METTL15: variants seen among roughly 807,000 people sequenced by gnomAD.
The protein encoded by METTL15 is methyltransferase 15, mitochondrial 12S rRNA N4-cytidine.
Under a neutral mutation model 38.3 loss-of-function variants are expected in METTL15, and 34 were observed. The observed-to-expected ratio is 0.89, with a 90% CI of 0.68 to 1.18. The LOEUF is 1.18. METTL15 is among the 50% of genes most tolerant of loss of function. The pLI is 0.00. For synonymous variants in METTL15, 162 were observed against 170.9 expected, an observed-to-expected ratio of 0.95 and a Z score of 0.41; for missense variants, 438 against 498.4, an observed-to-expected ratio of 0.88 and a Z score of 1.15.
At chr11:28,383,334 T>C (rs1391990105) in intron 5 of METTL15, among the ~76,000 whole-genome samples, 4 of 152,234 alleles carry the variant, frequency 2.6e-5, no homozygotes, top group African/African-American at 9.6e-5. Context: ...CCATGTTAAA[T>C]ATGTACTTTA....
At chr11:28,245,540 A>G (rs1249837451) in intron 4 of METTL15, among the ~76,000 whole-genome samples, 1 of 152,194 alleles carries the variant, frequency 6.6e-6, no homozygotes, top group Non-Finnish European at 1.5e-5. Flanking sequence ...AAATAAGATG[A>G]TAGTATTCAA....
At chr11:28,210,921 A>T in intron 3 of METTL15, 141 bp from the exon 4 acceptor site, 1 of 882,482 alleles carries the variant, frequency 1.1e-6, no homozygotes, top group South Asian at 1.8e-5. Flanking sequence ...AACAAATTCA[A>T]CTATAGGCAC....
chr11:28,416,119 C>G (rs1465773046), intron 5 of METTL15, among the ~76,000 whole-genome samples: 2 of 152,222 alleles, frequency 1.3e-5, no homozygotes, highest in Non-Finnish European at 2.9e-5. Flanking sequence ...CTCACCCAAG[C>G]GTAGTACCTT....
intron 3 of METTL15, among the ~76,000 whole-genome samples, chr11:28,134,855 C>T (rs1366716244): frequency 1.3e-5 from 2 of 152,200 alleles, no homozygotes; most frequent in Admixed American, 1.3e-4. Context: ...GTTACTATAC[C>T]TGCTAAGATT....
At chr11:28,116,805 T>A (rs1851983922) in intron 3 of METTL15, among the ~76,000 whole-genome samples, 1 of 152,158 alleles carries the variant, frequency 6.6e-6, no homozygotes, top group Admixed American at 6.6e-5. Flanking sequence ...AGTCTGTCTC[T>A]GTTGTTGAGG....
chr11:28,160,809 C>G (rs968798208), intron 3 of METTL15, among the ~76,000 whole-genome samples: 1 of 151,778 alleles, frequency 6.6e-6, no homozygotes, highest in Non-Finnish European at 1.5e-5. Context: ...ATAAACAAAC[C>G]AAGAGTAAAA....
chr11:28,457,248 T>TGATA (rs1015437467), intron 6 of METTL15, among the ~76,000 whole-genome samples: 1 of 152,224 alleles, frequency 6.6e-6, no homozygotes, highest in Non-Finnish European at 1.5e-5. Flanking sequence ...CAAATGGGCT[T>TGATA]GATAGAGTGT....
intron 3 of METTL15, among the ~76,000 whole-genome samples, chr11:28,350,650 C>T (rs903363803): frequency 2.0e-5 from 3 of 152,132 alleles, no homozygotes; most frequent in Non-Finnish European, 4.4e-5. Flanking sequence ...GGTCAAGCAC[C>T]TGACCCCAAA....
intron 5 of METTL15, among the ~76,000 whole-genome samples, chr11:28,390,979 C>T (rs188792908): frequency 2.0e-5 from 3 of 152,234 alleles, no homozygotes; most frequent in Admixed American, 1.3e-4. Flanking sequence ...GTATTTTATT[C>T]TCTTTGAAGC....
chr11:28,252,669 C>A (rs977535763), intron 4 of METTL15, among the ~76,000 whole-genome samples: 9 of 152,090 alleles, frequency 5.9e-5, no homozygotes, highest in African/African-American at 2.2e-4. Flanking sequence ...TCAGTCTCTC[C>A]CCGTCTATGG....
intron 6 of METTL15, among the ~76,000 whole-genome samples, chr11:28,298,002 GTTA>G (rs1856797832): frequency 6.6e-6 from 1 of 151,804 alleles, no homozygotes; most frequent in African/African-American, 2.4e-5. Context: ...ATTCTACTTA[GTTA>G]TTATAATGAA....
intron 4 of METTL15, among the ~76,000 whole-genome samples, chr11:28,272,208 C>A (rs1172364489): frequency 6.6e-6 from 1 of 152,058 alleles, no homozygotes; most frequent in Non-Finnish European, 1.5e-5. Context: ...CCCAGCAATC[C>A]CATTACTGGG....
intron 5 of METTL15, among the ~76,000 whole-genome samples, chr11:28,375,563 C>G (rs552650308): frequency 6.6e-6 from 1 of 151,494 alleles, no homozygotes; most frequent in East Asian, 1.9e-4. Flanking sequence ...CTCTTTTTTT[C>G]TTTATTAGTC....
At chr11:28,403,506 T>C (rs1347395316) in intron 5 of METTL15, among the ~76,000 whole-genome samples, 3 of 152,016 alleles carry the variant, frequency 2.0e-5, no homozygotes, top group Non-Finnish European at 4.4e-5. Flanking sequence ...GATTTCAATC[T>C]AGAATAGGGG....
At chr11:28,530,274 CAA>C (rs1851837216), downstream of METTL15, among the ~76,000 whole-genome samples, 1 of 152,086 alleles carries the variant, frequency 6.6e-6, no homozygotes, top group Admixed American at 6.6e-5. Context: ...CTAAATAATG[CAA>C]AAGACATAAA....
chr11:28,448,992 A>G (rs1851097357), intron 6 of METTL15, among the ~76,000 whole-genome samples: 1 of 152,200 alleles, frequency 6.6e-6, no homozygotes, highest in African/African-American at 2.4e-5. Context: ...GCCTTAAAAT[A>G]TGGAGCCTCC....
chr11:28,230,165 A>T (rs1447884646), intron 4 of METTL15, among the ~76,000 whole-genome samples: 4 of 151,926 alleles, frequency 2.6e-5, no homozygotes, highest in African/African-American at 9.7e-5. Flanking sequence ...CTCATTACTG[A>T]CATGAGGAGA....
chr11:28,375,029 G>A (rs1317223532), intron 5 of METTL15, among the ~76,000 whole-genome samples: 1 of 150,250 alleles, frequency 6.7e-6, no homozygotes, highest in African/African-American at 2.4e-5. Context: ...CTTGATCATG[G>A]TGGATAAGCT....
chr11:28,282,308 A>G (rs1565222309), intron 4 of METTL15, among the ~76,000 whole-genome samples: 1 of 152,172 alleles, frequency 6.6e-6, no homozygotes, highest in Non-Finnish European at 1.5e-5. Flanking sequence ...TCACCAACCG[A>G]CACTGCATGT....
Sources: allele counts gnomAD v4.1 joint callset (sites outside exome capture counted in the v4.1 genomes callset), GRCh38; gene constraint gnomAD v4.1.1; transcripts MANE v1.5; gene names NCBI Gene and HGNC (gene_info 2026-07-23, HGNC 2026-07-21).